Variants in RNF103 observed in about 807,000 individuals in gnomAD.
The protein encoded by RNF103 is E3 ubiquitin-protein ligase RNF103.
Under a neutral mutation model 66.2 loss-of-function variants are expected in RNF103, and 23 were observed. The ratio of observed to expected loss-of-function variants is 0.35; its 90% confidence interval spans 0.25 to 0.49. The LOEUF (loss-of-function observed/expected upper bound fraction) is 0.49. Among genes scored for constraint, RNF103 ranks in the 20% least tolerant of loss-of-function variants. The pLI, the probability that RNF103 is intolerant of heterozygous loss-of-function variation, is 0.98. For synonymous variants in RNF103, 297 were observed against 289.9 expected (o/e 1.02, Z -0.25); for missense variants, 730 against 814.7 (o/e 0.90, Z 1.27).
intron 3 of RNF103, 100 bp downstream of exon 3, chr2:86,612,059 T>C (rs971637749): frequency 2.8e-6 from 2 of 709,126 alleles, no homozygotes; most frequent in Non-Finnish European, 2.4e-6. Flanking sequence ...CACATTATAA[T>C]AAGCTTTCAG....
chr2:86,609,562 T>C (rs1312719251), intron 3 of RNF103, among the ~76,000 whole-genome samples: 1 of 151,968 alleles, frequency 6.6e-6, no homozygotes, highest in African/African-American at 2.4e-5. Flanking sequence ...AATTTTTGTA[T>C]TTTTAGTAGA....
chr2:86,622,913 G>T lies in RNF103; in HGVS notation c.-27C>A. On this transcript the variant is annotated 5_prime_UTR_variant, in exon 1 of 4. In the 5' UTR this introduces an upstream ATG that the reference lacks. Transcript: ENST00000237455. ...TTCCCTGGAGTTTCCTCTCTTTCCA[G>T]AGAGCTCGGAATACGGGAGAGAGAA... 1 of 1,562,800 alleles carries T rather than the reference G, an allele frequency of 6.4e-7. No individual in the cohort carries two copies. Among genetic ancestry groups the T allele is most frequent in the South Asian group, 1.2e-5 (1 of 85,608 alleles).
intron 2 of RNF103, chr2:86,617,612 G>C: frequency 3.2e-6 from 3 of 948,932 alleles, no homozygotes; most frequent in Non-Finnish European, 3.8e-6. Flanking sequence ...ATCCCCCTCA[G>C]ATAAGGGGGG....
chr2:86,613,955 G>A (rs1163836412), intron 2 of RNF103: 1 of 152,104 alleles, frequency 6.6e-6, no homozygotes, highest in Non-Finnish European at 1.5e-5. Context: ...TTAAGGGACA[G>A]GGTCTCACTC....
intron 1 of RNF103, 70 bp downstream of exon 1, chr2:86,622,591 C>A: frequency 6.7e-7 from 1 of 1,483,840 alleles, no homozygotes. Context: ...GGGGAACAGC[C>A]AGGTACCAGG....
rs1279347115 is a variant in RNF103 at position 86,604,436 on chromosome 2, A to G, written c.1465T>C (p.Phe489Leu). The change falls in exon 4 of 4, where the codon TTC becomes CTC. Residue 489 changes from phenylalanine to leucine, a missense_variant. Transcript: ENST00000237455. ...TCAGGGAAAGCTAAGCGCTCCAAGAATAAGTCAGGGTCTTCGTCCCAATCA... is the reference window on the plus strand; with the variant it reads ...TCAGGGAAAGCTAAGCGCTCCAAGAGTAAGTCAGGGTCTTCGTCCCAATCA... ...ESDWDEDPDLFLERLAFPDLW... is the reference protein window; with the variant it reads ...ESDWDEDPDLLLERLAFPDLW... 13 of 1,614,254 alleles carry G rather than the reference A, an allele frequency of 8.1e-6. No homozygotes were observed. Among genetic ancestry groups the G allele is most frequent in the Admixed American group, 3.3e-5 (2 of 60,030 alleles).
intron 2 of RNF103, chr2:86,617,909 C>A: frequency 1.0e-6 from 1 of 984,650 alleles, no homozygotes; most frequent in Non-Finnish European, 1.4e-6. Flanking sequence ...GTTGTCCTGC[C>A]AGAGATTGTT....
At chr2:86,621,881 C>T (rs1463738793) in intron 1 of RNF103, among the ~76,000 whole-genome samples, 2 of 152,272 alleles carry the variant, frequency 1.3e-5, no homozygotes, top group Non-Finnish European at 1.5e-5. Flanking sequence ...CCCAATCCTA[C>T]CAAAACCAAC....
intron 2 of RNF103, chr2:86,614,802 G>A: frequency 1.0e-6 from 1 of 981,182 alleles, no homozygotes; most frequent in Non-Finnish European, 1.2e-6. Context: ...AGAAGTATCT[G>A]TGCAATCATA....
intron 3 of RNF103, among the ~76,000 whole-genome samples, chr2:86,608,896 G>A (rs891449875): frequency 6.6e-6 from 1 of 152,174 alleles, no homozygotes; most frequent in African/African-American, 2.4e-5. Context: ...CTCCTTCTGG[G>A]TACATAGGGA....
At chr2:86,617,041 G>C in intron 2 of RNF103, 1 of 985,382 alleles carries the variant, frequency 1.0e-6, no homozygotes, top group Non-Finnish European at 1.2e-6. Context: ...AGGGACAAAG[G>C]AGAAAAACAA....
In RNF103 at chr2:86,605,189, A is replaced by G. The variant is rs1252323175; in HGVS notation, c.712T>C (p.Tyr238His). The G allele has an allele frequency of 3.1e-6, 5 of 1,613,896 alleles. No homozygotes were observed. The highest frequency in any genetic ancestry group is 2.7e-5 in the African/African-American group (2 of 75,068). Residue 238 changes from tyrosine (Y) to histidine (H), a missense_variant, in exon 4 of 4, where the codon TAC becomes CAC. Transcript: ENST00000237455. ...NKSDQYWLKI[Y>H]LFANLDQPPA... ...GGCTGGTCAAGGTTTGCAAATAGGT[A>G]TATTTTTAACCAATACTGATCACTT...
intron 2 of RNF103, chr2:86,617,525 G>T: frequency 5.5e-6 from 3 of 542,204 alleles, no homozygotes; most frequent in Non-Finnish European, 7.0e-6. Flanking sequence ...AGGTATGTAT[G>T]TATAGGAAAA....
chr2:86,615,520 T>TTATATATATATATATATA (rs4019180), intron 2 of RNF103, among the ~76,000 whole-genome samples: 2,684 of 141,804 alleles, frequency 0.019, 45 homozygotes, highest in East Asian at 0.068. Flanking sequence ...TACATATGCC[T>TTATATATATATATATATA]TATATATATA....
chr2:86,603,869 G>A lies in RNF103; in HGVS notation c.2032C>T (p.Pro678Ser), dbSNP rs1553413928. 3 of 1,613,722 alleles carry A rather than the reference G, an allele frequency of 1.9e-6. No homozygotes were observed. The highest frequency in any genetic ancestry group is 2.5e-6 in the Non-Finnish European group (3 of 1,179,804). Residue 678 changes from proline (P) to serine (S), a missense_variant, in exon 4 of 4, where the codon CCC becomes TCC. Pro to Ser is a moderately conservative substitution (Grantham distance 74, BLOSUM62 -1). Around this residue, in one of 3 missense-constraint regions of RNF103, gnomAD observed 355 missense variants for 351.9 expected, o/e 1.01. Coordinates refer to ENST00000237455, the MANE Select transcript of RNF103 (RefSeq NM_005667.4). ...KKKQPYAQHQ[P>S]LSNDVPS is the part of the protein sequence containing the mutation. ...TAAGATGGGACATCATTTGACAAGG[G>A]CTGGTGTTGTGCATATGGCTGCTTT...
chr2:86,617,899 G>A (rs1679085835), intron 2 of RNF103: 1 of 1,017,414 alleles, frequency 9.8e-7, no homozygotes, highest in African/African-American at 1.7e-5. Flanking sequence ...ATTCTTCTCA[G>A]TTGTCCTGCC....
chr2:86,608,932 ACAGT>A (rs1456953249), intron 3 of RNF103, among the ~76,000 whole-genome samples: 1 of 152,302 alleles, frequency 6.6e-6, no homozygotes, highest in Admixed American at 6.5e-5. Context: ...CTACAACTAG[ACAGT>A]CAGAAGTTGC....
At chr2:86,617,325 G>C (rs1679058763) in intron 2 of RNF103, 1 of 985,282 alleles carries the variant, frequency 1.0e-6, no homozygotes. Flanking sequence ...CTAAAATACA[G>C]TGGTCTCCCC....
intron 3 of RNF103, among the ~76,000 whole-genome samples, chr2:86,606,581 T>G: frequency 6.8e-6 from 1 of 147,296 alleles, no homozygotes; most frequent in East Asian, 2.0e-4. Context: ...GAGAACCGCT[T>G]GAACCCGGGA....
Sources: gnomAD v4.1 joint callset for allele counts (sites outside exome capture counted in the v4.1 genomes callset) on GRCh38, gnomAD v4.1.1 for gene constraint, gnomAD v4.1.1 regional missense constraint, MANE v1.5 for transcripts, NCBI Gene and HGNC (gene_info 2026-07-23, HGNC 2026-07-21) for gene names.